Variants in PCDH9 observed in about 807,000 individuals in gnomAD.
PCDH9 encodes the protein protocadherin-9.
In PCDH9, 24 loss-of-function variants were observed where a neutral mutation model predicts 70.6. The ratio of observed to expected loss-of-function variants is 0.34; its 90% CI spans 0.25 to 0.48. The LOEUF (loss-of-function observed/expected upper bound fraction) is 0.48. Ranked by LOEUF, PCDH9 falls within the 20% of genes least tolerant of loss-of-function variation. PCDH9 has a pLI of 0.99. For missense variants in PCDH9, 1,281 were observed against 1,503.6 expected, an observed-to-expected ratio of 0.85 and a Z score of 2.45; for synonymous variants, 562 against 558.5, an observed-to-expected ratio of 1.01 and a Z score of -0.09.
intron 3 of PCDH9, among the ~76,000 whole-genome samples, chr13:66,777,955 A>G (rs1296665045): frequency 1.3e-5 from 2 of 152,088 alleles, no homozygotes; most frequent in African/African-American, 4.8e-5. Context: ...TGCAGCCATA[A>G]AAAATGATGA....
intron 4 of PCDH9, among the ~76,000 whole-genome samples, chr13:66,397,275 T>C (rs1957116048): frequency 6.6e-6 from 1 of 152,008 alleles, no homozygotes; most frequent in African/African-American, 2.4e-5. Context: ...TAAAAGTATC[T>C]GGGCATAGTG....
intron 4 of PCDH9, among the ~76,000 whole-genome samples, chr13:66,316,759 G>A (rs1232487232): frequency 2.6e-5 from 4 of 151,920 alleles, no homozygotes; most frequent in East Asian, 1.9e-4. Context: ...TTCTCACTCC[G>A]TTTTCCAGGC....
At chr13:66,738,096 G>C (rs1332341996) in intron 3 of PCDH9, among the ~76,000 whole-genome samples, 1 of 152,206 alleles carries the variant, frequency 6.6e-6, no homozygotes, top group African/African-American at 2.4e-5. Context: ...AAATGTCCCT[G>C]ACAGCTTTGA....
At chr13:67,068,471 T>C (rs1468696509) in intron 2 of PCDH9, among the ~76,000 whole-genome samples, 1 of 152,118 alleles carries the variant, frequency 6.6e-6, no homozygotes, top group African/African-American at 2.4e-5. Flanking sequence ...TTAGTCTGTT[T>C]AGAAAATTAG....
chr13:66,394,388 T>C (rs1312216460), intron 4 of PCDH9, among the ~76,000 whole-genome samples: 2 of 152,210 alleles, frequency 1.3e-5, no homozygotes, highest in Admixed American at 6.5e-5. Context: ...TACATGCCTA[T>C]CTGTTTGCTT....
At chr13:66,977,544 T>A in intron 2 of PCDH9, 1 of 152,132 alleles carries the variant, frequency 6.6e-6, no homozygotes, top group East Asian at 1.9e-4. Context: ...AGGAAAGGGA[T>A]ATTATTGTCT....
chr13:66,568,487 GC>G (rs1266005538), intron 4 of PCDH9, among the ~76,000 whole-genome samples: 1 of 143,766 alleles, frequency 7.0e-6, no homozygotes, highest in Non-Finnish European at 1.5e-5. Context: ...ATTTGCACCA[GC>G]CTAAGCAACA....
At chr13:66,778,199 G>A (rs1404169362) in intron 3 of PCDH9, among the ~76,000 whole-genome samples, 2 of 151,768 alleles carry the variant, frequency 1.3e-5, no homozygotes, top group Non-Finnish European at 2.9e-5. Context: ...AAGTTAATGG[G>A]TGTAGCACAC....
intron 2 of PCDH9, among the ~76,000 whole-genome samples, chr13:67,110,203 TA>T (rs201097554): frequency 1.5e-4 from 22 of 146,398 alleles, no homozygotes; most frequent in African/African-American, 4.5e-4. Flanking sequence ...ACAGAAAATT[TA>T]AAAAAAAAAC....
intron 2 of PCDH9, among the ~76,000 whole-genome samples, chr13:66,937,595 G>T (rs2082937836): frequency 6.6e-6 from 1 of 152,178 alleles, no homozygotes; most frequent in South Asian, 2.1e-4. Context: ...TTGAGTCCTT[G>T]TGGATGAACT....
At chr13:66,682,217 T>C (rs1353906409) in intron 3 of PCDH9, among the ~76,000 whole-genome samples, 2 of 152,046 alleles carry the variant, frequency 1.3e-5, no homozygotes, top group African/African-American at 2.4e-5. Flanking sequence ...TCATATGTAC[T>C]GCATAGCTGT....
At chr13:66,522,498 G>A (rs952627077) in intron 4 of PCDH9, among the ~76,000 whole-genome samples, 5 of 152,062 alleles carry the variant, frequency 3.3e-5, no homozygotes, top group African/African-American at 1.2e-4. Context: ...ATCAGTAGGA[G>A]GTTGAATGAT....
intron 2 of PCDH9, among the ~76,000 whole-genome samples, chr13:67,118,333 C>T (rs1031432681): frequency 6.6e-6 from 1 of 152,104 alleles, no homozygotes; most frequent in Non-Finnish European, 1.5e-5. Flanking sequence ...ACACTTCCTG[C>T]AGTAAGAATA....
chr13:66,734,810 G>A (rs2139183501), intron 3 of PCDH9, among the ~76,000 whole-genome samples: 1 of 152,154 alleles, frequency 6.6e-6, no homozygotes, highest in African/African-American at 2.4e-5. Flanking sequence ...TTTTCCAAGT[G>A]GAAGAGAAAT....
At chr13:66,826,357 A>G (rs1226401853) in intron 3 of PCDH9, among the ~76,000 whole-genome samples, 1 of 152,194 alleles carries the variant, frequency 6.6e-6, no homozygotes, top group African/African-American at 2.4e-5. Flanking sequence ...TTGATACATT[A>G]TAAAGGCCAT....
At chr13:66,745,273 T>C (rs1387025554) in intron 3 of PCDH9, among the ~76,000 whole-genome samples, 2 of 152,202 alleles carry the variant, frequency 1.3e-5, no homozygotes, top group African/African-American at 4.8e-5. Context: ...TTCATACCTG[T>C]AGAAATTCAC....
intron 4 of PCDH9, among the ~76,000 whole-genome samples, chr13:66,424,150 C>CA (rs1957623795): frequency 6.6e-6 from 1 of 152,190 alleles, no homozygotes; most frequent in East Asian, 1.9e-4. Context: ...ATGAAAACTA[C>CA]AAACCACTGC....
intron 3 of PCDH9, among the ~76,000 whole-genome samples, chr13:66,670,474 T>C (rs1056220387): frequency 6.6e-6 from 1 of 152,168 alleles, no homozygotes; most frequent in African/African-American, 2.4e-5. Context: ...TAATTATAAA[T>C]TTTGATCCTA....
At chr13:66,397,577 A>C (rs1957124165) in intron 4 of PCDH9, among the ~76,000 whole-genome samples, 1 of 151,618 alleles carries the variant, frequency 6.6e-6, no homozygotes, top group Non-Finnish European at 1.5e-5. Flanking sequence ...ATACATACAC[A>C]AAATATACAT....
Sources: allele counts gnomAD v4.1 joint callset (sites outside exome capture counted in the v4.1 genomes callset), GRCh38; gene constraint gnomAD v4.1.1; transcripts MANE v1.5; gene names NCBI Gene and HGNC (gene_info 2026-07-23, HGNC 2026-07-21).